Variants in RAB30 observed in about 807,000 individuals in gnomAD.
RAB30 encodes ras-related protein Rab-30.
Under a neutral mutation model 25.1 loss-of-function variants are expected in RAB30, and 9 were observed. That is an observed-to-expected ratio of 0.36 (90% confidence interval 0.22 to 0.63). The LOEUF is 0.63. Among genes scored for constraint, RAB30 ranks in the 20% least tolerant of loss-of-function variants. The pLI, the probability that RAB30 is intolerant of heterozygous loss-of-function variation, is 0.69. For synonymous variants in RAB30, 77 were observed against 86.4 expected (o/e 0.89, Z 0.60); for missense variants, 140 against 243.5 (o/e 0.58, Z 2.83).
intron 1 of RAB30, among the ~76,000 whole-genome samples, chr11:83,006,460 G>A (rs2121483481): frequency 6.6e-6 from 1 of 152,220 alleles, no homozygotes; most frequent in African/African-American, 2.4e-5. Context: ...GAAAGGGCGG[G>A]GGCATATGAT....
intron 1 of RAB30, among the ~76,000 whole-genome samples, chr11:83,037,556 A>G (rs1858013422): frequency 6.6e-6 from 1 of 151,988 alleles, no homozygotes; most frequent in Admixed American, 6.6e-5. Context: ...AGCCGAATGA[A>G]TTTTTTAAAA....
chr11:82,997,227 A>G lies in RAB30; in HGVS notation c.90T>C (p.Thr30=). ...VGKTCLVRRF[T]QGLFPPGQGA... is the part of the protein sequence containing the mutation. ...GTTCCCTTACGAGTTCCCTTACCTGAGTGAATCTTCGGACGAGGCACGTCT... is the reference window on the plus strand; with the variant it reads ...GTTCCCTTACGAGTTCCCTTACCTGGGTGAATCTTCGGACGAGGCACGTCT... The change falls in exon 2 of 5, where the codon ACT becomes ACC. Residue 30 remains threonine, a synonymous_variant. Transcript: ENST00000527633. 6.2e-7 allele frequency: 1 copy of G among 1,606,432 alleles called. No individual in the cohort carries two copies. Among genetic ancestry groups the G allele is most frequent in the East Asian group, 2.2e-5 (1 of 44,856 alleles).
chr11:83,012,210 C>T (rs968732776), intron 1 of RAB30, among the ~76,000 whole-genome samples: 2 of 152,196 alleles, frequency 1.3e-5, no homozygotes, highest in Non-Finnish European at 2.9e-5. Context: ...GCATAGCAAA[C>T]CTCACTCAGA....
chr11:83,033,728 A>C (rs1857926998), intron 1 of RAB30, among the ~76,000 whole-genome samples: 1 of 152,154 alleles, frequency 6.6e-6, no homozygotes, highest in Non-Finnish European at 1.5e-5. Flanking sequence ...CTGCTACCAC[A>C]CTGGGAATTA....
chr11:83,070,199 C>T (rs1858801776), intron 1 of RAB30, among the ~76,000 whole-genome samples: 1 of 152,180 alleles, frequency 6.6e-6, no homozygotes, highest in Admixed American at 6.5e-5. Context: ...AGCAGAGCGT[C>T]ATCAACAGAG....
intron 1 of RAB30, among the ~76,000 whole-genome samples, chr11:83,068,903 G>C (rs1565295370): frequency 6.6e-6 from 1 of 152,140 alleles, no homozygotes; most frequent in East Asian, 1.9e-4. Flanking sequence ...CATCACACTT[G>C]CAATTATTTA....
chr11:83,037,664 G>A (rs180925416), intron 1 of RAB30, among the ~76,000 whole-genome samples: 15 of 152,206 alleles, frequency 9.9e-5, no homozygotes, highest in East Asian at 5.8e-4. Context: ...GTGGTACCAC[G>A]TATTAAGAGA....
chr11:82,983,488 T>TCC (rs1856679312), intron 4 of RAB30, among the ~76,000 whole-genome samples: 1 of 152,166 alleles, frequency 6.6e-6, no homozygotes, highest in Non-Finnish European at 1.5e-5. Context: ...TGGAGGGCAG[T>TCC]GGCGCGATCC....
chr11:82,994,188 TC>T, intron 2 of RAB30, 66 bp from the exon 3 acceptor site: 1 of 1,384,340 alleles, frequency 7.2e-7, no homozygotes, highest in Non-Finnish European at 1.0e-6. Context: ...TTTTCTCCTC[TC>T]CCCCAGCAAC....
intron 1 of RAB30, among the ~76,000 whole-genome samples, chr11:83,071,167 T>C (rs144194379): frequency 2.0e-5 from 3 of 152,276 alleles, no homozygotes; most frequent in African/African-American, 2.4e-5. Flanking sequence ...ACAAACCACA[T>C]AGACATACAC....
In RAB30 at chr11:82,974,633, G is replaced by A. The variant is rs903051580; in HGVS notation, c.*7532C>T. 6.6e-6 allele frequency: 1 copy of A among 152,126 alleles called. No homozygotes were observed. The highest frequency in any genetic ancestry group is 2.4e-5 in the African/African-American group (1 of 41,434). 9.4% of individuals were successfully genotyped at this position (152,126 alleles called of 1,614,324 possible). A position where few individuals can be genotyped will look rare whatever the true frequency, so the allele number is the denominator to read the frequency against. On this transcript the variant is annotated 3_prime_UTR_variant, in exon 5 of 5. Coordinates refer to ENST00000527633, the MANE Select transcript of RAB30 (RefSeq NM_001286060.2). Reference sequence around the variant, plus strand: ...TCAAGAATCGAGTTCATAAAACTCAGTGATTAACCTGTTTATTAGTTAAAA... The same window carrying A: ...TCAAGAATCGAGTTCATAAAACTCAATGATTAACCTGTTTATTAGTTAAAA...
intron 1 of RAB30, among the ~76,000 whole-genome samples, chr11:83,052,276 G>T (rs1858373493): frequency 6.6e-6 from 1 of 152,176 alleles, no homozygotes; most frequent in African/African-American, 2.4e-5. Flanking sequence ...ATTGTCATCA[G>T]TCCTTCCTTT....
rs192325981 is a variant in RAB30 at position 83,019,531 on chromosome 11, G to A, written c.-8-22207C>T. Reference sequence around the variant, plus strand: ...ACACAAACCCCCACTCCCCTGCCCCGTCTTTCTCTCACCTAGCTTCCCATT... The same window carrying A: ...ACACAAACCCCCACTCCCCTGCCCCATCTTTCTCTCACCTAGCTTCCCATT... On this transcript the variant is annotated intron_variant, in intron 1 of 4. Transcript: ENST00000527633. 2.7e-4 allele frequency among the ~76,000 whole-genome samples: 41 copies of A among 152,000 alleles called. No individual in the cohort carries two copies. In the South Asian group the frequency reaches 6.0e-3, roughly 22 times the overall value.
intron 1 of RAB30, among the ~76,000 whole-genome samples, chr11:83,054,859 C>T (rs1478985525): frequency 6.6e-6 from 1 of 152,044 alleles, no homozygotes; most frequent in Non-Finnish European, 1.5e-5. Context: ...AGAACAAGAC[C>T]TTGTCTCAAA....
chr11:83,050,064 T>C (rs1339488182), intron 1 of RAB30, among the ~76,000 whole-genome samples: 1 of 151,838 alleles, frequency 6.6e-6, no homozygotes, highest in Non-Finnish European at 1.5e-5. Flanking sequence ...TTGAGACCAT[T>C]CTGGGCAACA....
intron 1 of RAB30, among the ~76,000 whole-genome samples, chr11:83,036,576 A>C (rs1413364283): frequency 6.6e-6 from 1 of 152,180 alleles, no homozygotes; most frequent in Non-Finnish European, 1.5e-5. Flanking sequence ...CTACTGTGAC[A>C]CCTACAGAGG....
At chr11:83,019,257 C>T (rs1416462423) in intron 1 of RAB30, among the ~76,000 whole-genome samples, 3 of 152,134 alleles carry the variant, frequency 2.0e-5, no homozygotes, top group Non-Finnish European at 4.4e-5. Flanking sequence ...AACTCCTGAC[C>T]TCAAGTGATC....
chr11:83,014,672 A>AAGAAAG (rs1857387980), intron 1 of RAB30, among the ~76,000 whole-genome samples: 1 of 149,846 alleles, frequency 6.7e-6, no homozygotes, highest in African/African-American at 2.5e-5. Context: ...GAAAGAAAGA[A>AAGAAAG]AGAAAGAAAG....
chr11:83,039,246 T>C (rs1473352843), intron 1 of RAB30: 1 of 152,240 alleles, frequency 6.6e-6, no homozygotes, highest in Non-Finnish European at 1.5e-5. Context: ...GAGTTCCTGC[T>C]AGGCACATCA....
Sources: gnomAD v4.1 joint callset for allele counts (sites outside exome capture counted in the v4.1 genomes callset) on GRCh38, gnomAD v4.1.1 for gene constraint, MANE v1.5 for transcripts, NCBI Gene and HGNC (gene_info 2026-07-23, HGNC 2026-07-21) for gene names.